The following NALF1 variants were observed in gnomAD, a reference collection of about 807,000 sequenced individuals.
The protein encoded by NALF1 is family with sequence similarity 155 member A.
In NALF1, 3 loss-of-function variants were observed where a neutral mutation model predicts 48.4. That is an observed-to-expected ratio of 0.06 (90% CI 0.03 to 0.16). The LOEUF (loss-of-function observed/expected upper bound fraction) is 0.16. NALF1 is among the 10% of genes least tolerant of loss of function. The probability of loss-of-function intolerance (pLI) is 1.00; values close to 1 mark genes in which losing one functional copy is unlikely to be tolerated. For synonymous variants in NALF1, 262 were observed against 245.7 expected, an observed-to-expected ratio of 1.07 and a Z score of -0.62; for missense variants, 526 against 571.5, an observed-to-expected ratio of 0.92 and a Z score of 0.81.
intron 1 of NALF1, among the ~76,000 whole-genome samples, chr13:107,767,989 T>A (rs1281956610): frequency 6.6e-6 from 1 of 152,156 alleles, no homozygotes; most frequent in Non-Finnish European, 1.5e-5. Context: ...CACAGATTCC[T>A]CCTCAGAACC....
chr13:107,303,837 T>C (rs1304960056), intron 1 of NALF1, among the ~76,000 whole-genome samples: 3 of 152,212 alleles, frequency 2.0e-5, no homozygotes, highest in Admixed American at 2.0e-4. Context: ...TTCTAGGAGA[T>C]ATTCAACTAG....
chr13:107,754,461 T>C (rs1378578134), intron 1 of NALF1, among the ~76,000 whole-genome samples: 1 of 151,294 alleles, frequency 6.6e-6, no homozygotes, highest in Non-Finnish European at 1.5e-5. Flanking sequence ...AAGAGAAGCA[T>C]GATAATTATC....
chr13:107,411,072 C>T (rs569674400), intron 1 of NALF1, among the ~76,000 whole-genome samples: 43 of 152,198 alleles, frequency 2.8e-4, no homozygotes, highest in African/African-American at 7.9e-4. Flanking sequence ...GGAAATAATA[C>T]GTTTCCTTTA....
chr13:107,412,465 G>C (rs978363295), intron 1 of NALF1, among the ~76,000 whole-genome samples: 6 of 152,036 alleles, frequency 3.9e-5, no homozygotes, highest in Non-Finnish European at 4.4e-5. Flanking sequence ...TCACTGACTT[G>C]TTGTTGCTGG....
At chr13:107,492,756 T>A (rs1594092441) in intron 1 of NALF1, among the ~76,000 whole-genome samples, 1 of 152,190 alleles carries the variant, frequency 6.6e-6, no homozygotes, top group Non-Finnish European at 1.5e-5. Flanking sequence ...ATAATGGCTG[T>A]ACATCATGGA....
chr13:107,593,849 A>G (rs1878666876), intron 1 of NALF1, among the ~76,000 whole-genome samples: 3 of 151,364 alleles, frequency 2.0e-5, no homozygotes, highest in Admixed American at 2.0e-4. Flanking sequence ...GGAAACTTGT[A>G]TTTGTTTAGA....
intron 1 of NALF1, among the ~76,000 whole-genome samples, chr13:107,313,104 G>A (rs1882079019): frequency 6.6e-6 from 1 of 151,982 alleles, no homozygotes; most frequent in Non-Finnish European, 1.5e-5. Context: ...AGATAAAATG[G>A]AGAAATCTCT....
At chr13:107,695,203 T>C (rs1025960487) in intron 1 of NALF1, among the ~76,000 whole-genome samples, 2 of 152,216 alleles carry the variant, frequency 1.3e-5, no homozygotes, top group Non-Finnish European at 2.9e-5. Flanking sequence ...CCTATAACTA[T>C]ATTTAAAATA....
chr13:107,345,814 C>T (rs747157916), intron 1 of NALF1, among the ~76,000 whole-genome samples: 1 of 152,110 alleles, frequency 6.6e-6, no homozygotes, highest in Non-Finnish European at 1.5e-5. Flanking sequence ...AAAACTTACA[C>T]CTATGGATTG....
intron 1 of NALF1, among the ~76,000 whole-genome samples, chr13:107,751,897 G>A (rs1876950813): frequency 6.6e-6 from 1 of 151,944 alleles, no homozygotes; most frequent in Admixed American, 6.6e-5. Flanking sequence ...ACAAATTCAT[G>A]TCATCAAGGT....
intron 1 of NALF1, among the ~76,000 whole-genome samples, chr13:107,318,079 A>G (rs1882183853): frequency 6.6e-6 from 1 of 152,114 alleles, no homozygotes; most frequent in Admixed American, 6.6e-5. Flanking sequence ...GTAAGGAGAT[A>G]CGACTGAGCA....
At chr13:107,516,450 G>C (rs777984185) in intron 1 of NALF1, among the ~76,000 whole-genome samples, 10 of 152,130 alleles carry the variant, frequency 6.6e-5, no homozygotes, top group Non-Finnish European at 1.0e-4. Flanking sequence ...CACCTACCAT[G>C]AAATGAGCAA....
At chr13:107,624,321 G>T (rs1173175849) in intron 1 of NALF1, among the ~76,000 whole-genome samples, 1 of 152,034 alleles carries the variant, frequency 6.6e-6, no homozygotes, top group African/African-American at 2.4e-5. Flanking sequence ...AGCAAGGATG[G>T]GAAAAACATA....
chr13:107,321,428 A>C (rs1393862995), intron 1 of NALF1, among the ~76,000 whole-genome samples: 1 of 152,164 alleles, frequency 6.6e-6, no homozygotes, highest in Non-Finnish European at 1.5e-5. Flanking sequence ...TCTCCACTGG[A>C]AACATAAAAT....
chr13:107,798,404 T>C (rs917273938), intron 1 of NALF1, among the ~76,000 whole-genome samples: 2 of 152,216 alleles, frequency 1.3e-5, no homozygotes, highest in Admixed American at 6.5e-5. Context: ...TTCTCTAATA[T>C]ATTAACAGAA....
rs1029416399 is a variant in NALF1 at position 107,818,352 on chromosome 13, C to T, written c.915+47330G>A. On this transcript the variant is annotated intron_variant, in intron 1 of 2. Coordinates refer to ENST00000375915, the MANE Select transcript of NALF1 (RefSeq NM_001080396.3). Reference sequence around the variant, plus strand: ...AGTGCCAAAAAACTTTTGCTCAGGGCCACATGTTTACAGGAGTTTCTGGGG... The same window carrying T: ...AGTGCCAAAAAACTTTTGCTCAGGGTCACATGTTTACAGGAGTTTCTGGGG... Among the ~76,000 whole-genome samples, 6 of 152,238 alleles carry T rather than the reference C, an allele frequency of 3.9e-5. No homozygotes were observed. The Middle Eastern group carries it at 0.014, about 345-fold the overall frequency.
chr13:107,637,533 G>A (rs2138454727), intron 1 of NALF1, among the ~76,000 whole-genome samples: 1 of 152,236 alleles, frequency 6.6e-6, no homozygotes, highest in African/African-American at 2.4e-5. Context: ...TTCCTTTAGT[G>A]AACAATTAAG....
chr13:107,201,437 C>A (rs1332714079), intron 2 of NALF1, among the ~76,000 whole-genome samples: 1 of 152,068 alleles, frequency 6.6e-6, no homozygotes. Flanking sequence ...ACCAGCCGGA[C>A]GTGGTGGCGG....
chr13:107,626,940 C>T (rs1040343119), intron 1 of NALF1, among the ~76,000 whole-genome samples: 1 of 152,066 alleles, frequency 6.6e-6, no homozygotes, highest in Non-Finnish European at 1.5e-5. Context: ...TTCTTCTCTG[C>T]CACATACTTC....
Sources: gnomAD v4.1 joint callset for allele counts (sites outside exome capture counted in the v4.1 genomes callset) on GRCh38, gnomAD v4.1.1 for gene constraint, MANE v1.5 for transcripts, NCBI Gene and HGNC (gene_info 2026-07-23, HGNC 2026-07-21) for gene names.